PCDHA7: variants seen among roughly 807,000 people sequenced by gnomAD.
PCDHA7 encodes the protein protocadherin alpha 7.
Under a neutral mutation model 57.2 loss-of-function variants are expected in PCDHA7, and 37 were observed. That is an observed-to-expected ratio of 0.65 (90% CI 0.50 to 0.85). The LOEUF is 0.85. PCDHA7 is among the 40% of genes least tolerant of loss of function. The probability of loss-of-function intolerance (pLI) is 0.00; values close to 1 mark genes in which losing one functional copy is unlikely to be tolerated. For synonymous variants in PCDHA7, 553 were observed against 558.8 expected, an observed-to-expected ratio of 0.99 and a Z score of 0.15; for missense variants, 1,188 against 1,241.8, an observed-to-expected ratio of 0.96 and a Z score of 0.65.
intron 3 of PCDHA7, among the ~76,000 whole-genome samples, chr5:141,004,852 GA>G (rs1474938614): frequency 6.6e-6 from 1 of 152,202 alleles, no homozygotes; most frequent in African/African-American, 2.4e-5. Flanking sequence ...TAGTCTCAGA[GA>G]AAAAATTTGT....
chr5:140,904,423 T>TTA (rs1304104435), intron 1 of PCDHA7, among the ~76,000 whole-genome samples: 1 of 151,090 alleles, frequency 6.6e-6, no homozygotes. Flanking sequence ...TACATATATT[T>TTA]TATATATATG....
intron 1 of PCDHA7, chr5:140,928,708 T>C: frequency 1.2e-6 from 2 of 1,614,208 alleles, no homozygotes; most frequent in Non-Finnish European, 1.7e-6. Context: ...GGCGTCTGAC[T>C]CTAGTCTCTT....
chr5:141,010,432 C>CA lies in PCDHA7; in HGVS notation c.*498dup. ...AATTGGTACAAGGAAGGCAAGAAAA[C>CA]AAAGACAAATAAACAGCGGAAGTTA... On this transcript the variant is annotated 3_prime_UTR_variant, in exon 4 of 4. Transcript: ENST00000525929. 2.8e-6 allele frequency: 3 copies of CA among 1,056,970 alleles called. No homozygotes were observed. The highest frequency in any genetic ancestry group is 4.0e-6 in the Non-Finnish European group (3 of 756,282). The allele number at this position is 1,056,970 out of a possible 1,614,324, so 65.5% of individuals were successfully genotyped here.
rs541261946 is a variant in PCDHA7, at chr5:140,926,749, G to T, written c.2356-52200G>T. ...GGCGTTCGGGAGGCGCAACGTCGGC[G>T]GTCGCTGAGTATCCAGCCCGCAGCA... On this transcript the variant is annotated intron_variant, in intron 1 of 3. Coordinates refer to ENST00000525929, the MANE Select transcript of PCDHA7 (RefSeq NM_018910.3). 7.3e-6 allele frequency: 9 copies of T among 1,237,260 alleles called. No homozygotes were observed. In the East Asian group the frequency reaches 2.0e-4, roughly 28 times the overall value. The allele number at this position is 1,237,260 out of a possible 1,614,324, so 76.6% of individuals were successfully genotyped here.
rs142570778 is a variant in PCDHA7 at position 141,009,810 on chromosome 5, A to G, written c.2687A>G (p.Asp896Gly). ...CAGGAGCCTACTAACAGCCAAATTG[A>G]CAAAAGTGACTTCATAACCTTCGGC... ...IRQEPTNSQI[D>G]KSDFITFGKK... The change falls in exon 4 of 4, where the codon GAC (aspartate) becomes GGC (glycine). Residue 896 changes from aspartate to glycine, a missense_variant. Asp to Gly is a moderately conservative substitution (Grantham distance 94). Transcript: ENST00000525929. 8 of 1,614,016 alleles carry G rather than the reference A, an allele frequency of 5.0e-6. No individual in the cohort carries two copies. Among genetic ancestry groups the G allele is most frequent in the Admixed American group, 3.3e-5 (2 of 60,000 alleles).
At position 140,843,610 on chromosome 5, in the gene PCDHA7, G is replaced by C; in HGVS notation, c.2355+6872G>C. 5.6e-6 allele frequency: 9 copies of C among 1,595,980 alleles called. 1 individual carries two copies. The highest frequency in any genetic ancestry group is 7.7e-6 in the Non-Finnish European group (9 of 1,165,482). On this transcript the variant is annotated intron_variant, in intron 1 of 3. Transcript: ENST00000525929. Reference sequence around the variant, plus strand: ...CGCAGAGGGTGTGCTCTGGTGAGGGGCCACCGAAGACGGACCTCATGGCCT... The same window carrying C: ...CGCAGAGGGTGTGCTCTGGTGAGGGCCCACCGAAGACGGACCTCATGGCCT...
At chr5:140,895,099 T>C (rs558310890) in intron 1 of PCDHA7, among the ~76,000 whole-genome samples, 1 of 152,326 alleles carries the variant, frequency 6.6e-6, no homozygotes, top group East Asian at 1.9e-4. Flanking sequence ...ATAGGGGTTT[T>C]TGCTACAAGA....
chr5:140,855,039 T>C lies in PCDHA7; in HGVS notation c.2355+18301T>C, dbSNP rs1287918149. ...AAACTTCTTGTATAAAGGATTTTTC[T>C]GTAATAGTACTTTTCTGTTTTCTTA... is the stretch of plus-strand genomic sequence containing the variant. On this transcript the variant is annotated intron_variant, in intron 1 of 3. Transcript: ENST00000525929. Among the ~76,000 whole-genome samples the C allele has an allele frequency of 2.0e-5, 3 of 150,016 alleles. 1 individual carries two copies. The highest frequency in any genetic ancestry group is 7.3e-5 in the African/African-American group (3 of 40,938).
intron 1 of PCDHA7, chr5:140,870,870 G>A: frequency 6.2e-7 from 1 of 1,613,948 alleles, no homozygotes; most frequent in Non-Finnish European, 8.5e-7. Flanking sequence ...CGGGCCACGT[G>A]GTGGCGAAGG....
intron 1 of PCDHA7, among the ~76,000 whole-genome samples, chr5:140,838,898 G>A (rs1024702738): frequency 6.6e-6 from 1 of 151,748 alleles, no homozygotes; most frequent in Non-Finnish European, 1.5e-5. Context: ...CTAGGTGACA[G>A]AGCAATACCT....
Position 140,835,694 on chromosome 5 carries a change from C to T in PCDHA7, c.1311C>T (p.Ala437=), listed in dbSNP as rs1554135195. 6.2e-7 allele frequency: 1 copy of T among 1,613,768 alleles called. No individual in the cohort carries two copies. Among genetic ancestry groups the T allele is most frequent in the African/African-American group, 1.3e-5 (1 of 74,930 alleles). ...ARDGGSPSLW[A]TASVSVEVAD... is the part of the protein sequence containing the mutation. ...ACGGGGGCTCGCCTTCTCTGTGGGC[C>T]ACTGCTAGCGTGTCCGTGGAGGTGG... Residue 437 remains alanine (A), a synonymous_variant, in exon 1 of 4, where the codon GCC becomes GCT. Coordinates refer to ENST00000525929, the MANE Select transcript of PCDHA7 (RefSeq NM_018910.3).
At chr5:140,960,853 T>C (rs1554225072) in intron 1 of PCDHA7, among the ~76,000 whole-genome samples, 2 of 152,214 alleles carry the variant, frequency 1.3e-5, no homozygotes, top group Non-Finnish European at 1.5e-5. Flanking sequence ...ATGGCAACTA[T>C]AAGCCAGAAA....
chr5:140,926,128 CGCAGCAGGATCCAGCGCGGAAAGCTCT>C (rs1157627097), intron 1 of PCDHA7, among the ~76,000 whole-genome samples: 1 of 152,278 alleles, frequency 6.6e-6, no homozygotes, highest in East Asian at 1.9e-4. Flanking sequence ...GACTTCAACC[CGCAGCAGGATCCAGCGCGGAAAGCTCT>C]GCAGCAGGAT....
At position 140,918,968 on chromosome 5, in the gene PCDHA7, G is replaced by A. The variant is rs1028863089; in HGVS notation, c.2356-59981G>A. Among the ~76,000 whole-genome samples, 5 of 152,196 alleles carry A rather than the reference G, an allele frequency of 3.3e-5. 1 individual carries two copies. The highest frequency in any genetic ancestry group is 5.9e-5 in the Non-Finnish European group (4 of 68,034). On this transcript the variant is annotated intron_variant, in intron 1 of 3. Transcript: ENST00000525929. ...TCCTGAACAGACTAAGACAGATATC[G>A]TTTAGGTTAGTTGGTTTTTAGTGTT...
intron 1 of PCDHA7, among the ~76,000 whole-genome samples, chr5:140,978,557 T>C (rs1262121525): frequency 6.6e-6 from 1 of 152,246 alleles, no homozygotes; most frequent in Non-Finnish European, 1.5e-5. Flanking sequence ...TGCCCTGTTA[T>C]AGCTGTAATA....
At chr5:140,845,868 G>C (rs1252869410) in intron 1 of PCDHA7, among the ~76,000 whole-genome samples, 1 of 149,474 alleles carries the variant, frequency 6.7e-6, no homozygotes, top group South Asian at 2.1e-4. Flanking sequence ...TTGCAGAAAG[G>C]CAACCTAAAA....
chr5:140,856,342 C>T (rs1286159283), intron 1 of PCDHA7: 3 of 1,598,498 alleles, frequency 1.9e-6, no homozygotes, highest in Non-Finnish European at 2.6e-6. Context: ...GCGGGCGGAG[C>T]GTGGAGTGCA....
chr5:141,008,265 G>C (rs748504708), intron 3 of PCDHA7, among the ~76,000 whole-genome samples: 4 of 152,200 alleles, frequency 2.6e-5, no homozygotes, highest in Admixed American at 6.5e-5. Flanking sequence ...AGACTGAGAA[G>C]TAATAGGAAA....
chr5:140,949,313 A>G (rs989940621), intron 1 of PCDHA7, among the ~76,000 whole-genome samples: 1 of 151,952 alleles, frequency 6.6e-6, no homozygotes, highest in Non-Finnish European at 1.5e-5. Context: ...GTAATGATTT[A>G]TAAATATAAA....
Sources: allele counts gnomAD v4.1 joint callset (sites outside exome capture counted in the v4.1 genomes callset), GRCh38; gene constraint gnomAD v4.1.1; transcripts MANE v1.5; gene names NCBI Gene and HGNC (gene_info 2026-07-23, HGNC 2026-07-21).